The following CGGBP1 variants were observed in gnomAD, a reference collection of about 807,000 sequenced individuals.
CGGBP1 encodes CGG triplet repeat-binding protein 1.
CGGBP1 carries 4 observed loss-of-function variants against 11.4 expected under a neutral mutation model. The observed-to-expected ratio is 0.35, with a 90% CI of 0.17 to 0.80. The LOEUF is 0.80. Ranked by LOEUF, CGGBP1 falls within the 30% of genes least tolerant of loss-of-function variation. The pLI, the probability that CGGBP1 is intolerant of heterozygous loss-of-function variation, is 0.52. For synonymous variants in CGGBP1, 76 were observed against 74.1 expected (o/e 1.03, Z -0.13); for missense variants, 135 against 202.1 (o/e 0.67, Z 2.01).
At chr3:88,080,278 C>T (rs1414175728) in intron 2 of CGGBP1, among the ~76,000 whole-genome samples, 2 of 151,896 alleles carry the variant, frequency 1.3e-5, no homozygotes, top group African/African-American at 2.4e-5. Context: ...TACTTGGAAA[C>T]ATAATGAACC....
At chr3:88,067,631 A>C (rs528214580) in intron 2 of CGGBP1, among the ~76,000 whole-genome samples, 1 of 152,286 alleles carries the variant, frequency 6.6e-6, no homozygotes, top group South Asian at 2.1e-4. Context: ...AAGGAAAGAG[A>C]ATGTTTTAGG....
chr3:88,138,918 C>A (rs1179181509), intron 2 of CGGBP1: 4 of 1,234,994 alleles, frequency 3.2e-6, no homozygotes, highest in African/African-American at 1.6e-5. Context: ...GCTTTACAAA[C>A]GTCCAGATGA....
intron 2 of CGGBP1, among the ~76,000 whole-genome samples, chr3:88,097,176 T>A (rs932269032): frequency 3.5e-4 from 53 of 152,128 alleles, no homozygotes; most frequent in African/African-American, 1.3e-3. Context: ...ATATCTTAGA[T>A]GTATCCTAGG....
intron 2 of CGGBP1, among the ~76,000 whole-genome samples, chr3:88,105,303 T>C (rs1704670905): frequency 6.6e-6 from 1 of 152,172 alleles, no homozygotes; most frequent in South Asian, 2.1e-4. Context: ...TTACTTAGTA[T>C]TATATCTTGG....
chr3:88,130,464 T>G (rs1201351200), intron 2 of CGGBP1, among the ~76,000 whole-genome samples: 5 of 152,074 alleles, frequency 3.3e-5, no homozygotes, highest in Non-Finnish European at 5.9e-5. Context: ...TTGTTTTTGT[T>G]TTTTGGAGAC....
At chr3:88,073,658 A>G (rs1158287872) in intron 2 of CGGBP1, among the ~76,000 whole-genome samples, 5 of 152,198 alleles carry the variant, frequency 3.3e-5, no homozygotes, top group Non-Finnish European at 7.4e-5. Flanking sequence ...GAGTATAGTG[A>G]TGGTATTAAC....
upstream of CGGBP1, chr3:88,059,188 A>T: frequency 7.0e-7 from 1 of 1,434,802 alleles, no homozygotes; most frequent in Non-Finnish European, 9.1e-7. Flanking sequence ...AGTAGAGCCC[A>T]GCCGAGAGGC....
chr3:88,134,610 C>T (rs77280193), intron 2 of CGGBP1, among the ~76,000 whole-genome samples: 312 of 152,126 alleles, frequency 2.1e-3, no homozygotes, highest in Non-Finnish European at 3.4e-3. Flanking sequence ...ACTATACTTA[C>T]AGTTTTAATC....
chr3:88,088,068 G>C (rs1246849846), intron 2 of CGGBP1, among the ~76,000 whole-genome samples: 2 of 151,992 alleles, frequency 1.3e-5, no homozygotes, highest in South Asian at 4.2e-4. Context: ...TTCAGATAAG[G>C]GACACTCAAC....
At chr3:88,141,487 A>G (rs1177253526) in intron 1 of CGGBP1, among the ~76,000 whole-genome samples, 1 of 152,118 alleles carries the variant, frequency 6.6e-6, no homozygotes, top group East Asian at 1.9e-4. Flanking sequence ...GAAAAAGAAC[A>G]GAAAATAATT....
intron 2 of CGGBP1, among the ~76,000 whole-genome samples, chr3:88,080,371 A>C (rs1576223767): frequency 6.6e-6 from 1 of 152,084 alleles, no homozygotes; most frequent in African/African-American, 2.4e-5. Context: ...TGCACTAGTA[A>C]TGGTGCACTT....
intron 2 of CGGBP1, among the ~76,000 whole-genome samples, chr3:88,104,542 ATAT>A (rs1260210160): frequency 1.3e-5 from 2 of 152,236 alleles, no homozygotes; most frequent in Non-Finnish European, 2.9e-5. Flanking sequence ...TTGTAGTGAA[ATAT>A]TATTGGTTTG....
intron 2 of CGGBP1, among the ~76,000 whole-genome samples, chr3:88,118,440 G>A (rs770252844): frequency 6.6e-6 from 1 of 152,128 alleles, no homozygotes. Flanking sequence ...ACCCTCCTTT[G>A]TGGGGCAAGT....
intron 2 of CGGBP1, chr3:88,139,557 A>T: frequency 6.2e-7 from 1 of 1,613,544 alleles, no homozygotes; most frequent in Non-Finnish European, 8.5e-7. Flanking sequence ...TTCATTTGAA[A>T]ATGGGAATTC....
rs554808888 is a variant in CGGBP1 at position 88,081,477 on chromosome 3, G to A, written c.-228-23254C>T. 7.9e-5 allele frequency among the ~76,000 whole-genome samples: 12 copies of A among 152,246 alleles called. No homozygotes were observed. In the South Asian group the frequency reaches 2.5e-3, roughly 32 times the overall value. On this transcript the variant is annotated intron_variant, in intron 2 of 3. Coordinates refer to the CGGBP1 transcript ENST00000462901. The stretch of plus-strand genomic sequence containing the variant: ...TTGTCATTGTGGTGTCTGCCTAATG[G>A]TGCTTCTCTGTTTGTCTTTTTCCTT...
intron 2 of CGGBP1, among the ~76,000 whole-genome samples, chr3:88,119,327 T>C (rs1458454472): frequency 1.5e-5 from 2 of 135,448 alleles, no homozygotes; most frequent in Admixed American, 8.0e-5. Flanking sequence ...TAGGTGGGAA[T>C]TGAACAATGA....
chr3:88,112,748 C>T (rs775581192), intron 2 of CGGBP1, among the ~76,000 whole-genome samples: 3 of 151,844 alleles, frequency 2.0e-5, no homozygotes, highest in Non-Finnish European at 4.4e-5. Flanking sequence ...TCTCTGGAGT[C>T]CCATTATATT....
chr3:88,139,957 T>C, intron 2 of CGGBP1: 1 of 1,613,736 alleles, frequency 6.2e-7, no homozygotes, highest in Non-Finnish European at 8.5e-7. Context: ...ATTGGGTTTC[T>C]AAATAAACAT....
intron 2 of CGGBP1, among the ~76,000 whole-genome samples, chr3:88,102,052 CTT>C (rs1234578858): frequency 6.6e-6 from 1 of 151,792 alleles, no homozygotes; most frequent in Non-Finnish European, 1.5e-5. Context: ...GATATACACT[CTT>C]TATCAGATAT....
Sources: gnomAD v4.1 joint callset for allele counts (sites outside exome capture counted in the v4.1 genomes callset) on GRCh38, gnomAD v4.1.1 for gene constraint, MANE v1.5 for transcripts, NCBI Gene and HGNC (gene_info 2026-07-23, HGNC 2026-07-21) for gene names.